VRK1: variants seen among roughly 807,000 people sequenced by gnomAD.
The protein encoded by VRK1 is serine/threonine-protein kinase VRK1.
A neutral mutation model predicts 57.1 loss-of-function variants in VRK1; 33 were observed. The observed-to-expected ratio is 0.58, with a 90% CI of 0.44 to 0.77. The LOEUF is 0.77. VRK1 is among the 30% of genes least tolerant of loss of function. VRK1 has a pLI of 0.00. For synonymous variants in VRK1, 137 were observed against 147.8 expected (o/e 0.93, Z 0.53); for missense variants, 413 against 477.3 (o/e 0.87, Z 1.25).
chr14:96,876,952 C>T (rs1322666591), intron 12 of VRK1, among the ~76,000 whole-genome samples: 1 of 152,108 alleles, frequency 6.6e-6, no homozygotes, highest in African/African-American at 2.4e-5. Flanking sequence ...GTTTAATAAA[C>T]TGCCAGCCAA....
At position 96,798,839 on chromosome 14, in the gene VRK1, G is replaced by A. The variant is rs544609418; in HGVS notation, c.-6+1392G>A. On this transcript the variant is annotated intron_variant, in intron 1 of 12. Coordinates refer to ENST00000216639, the MANE Select transcript of VRK1 (RefSeq NM_003384.3). Reference sequence around the variant, plus strand: ...GTAGTGATTGGAATTAAATTTCTGGGTAGATAAGATTATGTTCATCTGTTA... The same window carrying A: ...GTAGTGATTGGAATTAAATTTCTGGATAGATAAGATTATGTTCATCTGTTA... 2.6e-5 allele frequency among the ~76,000 whole-genome samples: 4 copies of A among 152,158 alleles called. No homozygotes were observed. In the South Asian group the frequency reaches 6.2e-4, roughly 24 times the overall value.
At chr14:96,851,612 C>T (rs989784064) in intron 5 of VRK1, among the ~76,000 whole-genome samples, 3 of 152,200 alleles carry the variant, frequency 2.0e-5, no homozygotes, top group Non-Finnish European at 4.4e-5. Context: ...TGTTAGTCAA[C>T]TCTTCCTTCC....
intron 11 of VRK1, among the ~76,000 whole-genome samples, chr14:96,862,448 G>T (rs1283371284): frequency 1.3e-5 from 2 of 150,568 alleles, no homozygotes; most frequent in Non-Finnish European, 3.0e-5. Context: ...AAAAGTTAAG[G>T]TTAGGTAAGA....
intron 1 of VRK1, among the ~76,000 whole-genome samples, chr14:96,813,954 T>G (rs1278739762): frequency 6.6e-6 from 1 of 152,154 alleles, no homozygotes; most frequent in African/African-American, 2.4e-5. Flanking sequence ...TATACCTTTG[T>G]TTTATGGTTA....
rs540871386 is a variant in VRK1, at chr14:96,878,134, C to T, written c.1159+2014C>T. Among the ~76,000 whole-genome samples, 23 of 151,920 alleles carry T rather than the reference C, an allele frequency of 1.5e-4. No individual in the cohort carries two copies. The South Asian group carries it at 2.5e-3, about 16-fold the overall frequency. ...CACTTTTTTCCCCTAAAGTACAATG[C>T]GAGTTAAGGTATTTTACTATCAAAA... is the stretch of plus-strand genomic sequence containing the variant. On this transcript the variant is annotated intron_variant, in intron 12 of 12. Coordinates refer to ENST00000216639, the MANE Select transcript of VRK1 (RefSeq NM_003384.3).
At chr14:96,836,584 A>G (rs935826391) in intron 2 of VRK1, among the ~76,000 whole-genome samples, 12 of 135,772 alleles carry the variant, frequency 8.8e-5, no homozygotes, top group Non-Finnish European at 1.7e-4. Flanking sequence ...GTGCAGTGGC[A>G]TGATCTTGGC....
chr14:96,847,454 T>C, intron 5 of VRK1, 110 bp downstream of exon 5: 1 of 837,830 alleles, frequency 1.2e-6, no homozygotes, highest in Non-Finnish European at 2.0e-6. Flanking sequence ...TAGGCCTCCC[T>C]CTGGAGTATG....
chr14:96,825,564 G>T (rs1405411056), intron 1 of VRK1, among the ~76,000 whole-genome samples: 2 of 152,158 alleles, frequency 1.3e-5, no homozygotes, highest in East Asian at 3.8e-4. Flanking sequence ...TATAGGGAAA[G>T]TTATTTGTCA....
intron 1 of VRK1, among the ~76,000 whole-genome samples, chr14:96,830,949 C>G (rs879048867): frequency 6.6e-6 from 1 of 152,174 alleles, no homozygotes; most frequent in African/African-American, 2.4e-5. Context: ...GAGGCTTTGA[C>G]CTAGAAGGGG....
chr14:96,881,052 C>G, intron 12 of VRK1, 125 bp from the exon 13 acceptor site: 2 of 860,716 alleles, frequency 2.3e-6, no homozygotes, highest in Non-Finnish European at 3.5e-6. Flanking sequence ...TTTATCTTTG[C>G]AAATCACGAG....
chr14:96,804,923 T>C (rs1885810354), intron 1 of VRK1, among the ~76,000 whole-genome samples: 1 of 152,218 alleles, frequency 6.6e-6, no homozygotes, highest in East Asian at 1.9e-4. Context: ...CCAAACTGTT[T>C]CGTATTTATG....
At chr14:96,866,082 G>A (rs1595684856) in intron 11 of VRK1, among the ~76,000 whole-genome samples, 2 of 152,028 alleles carry the variant, frequency 1.3e-5, no homozygotes, top group South Asian at 4.1e-4. Context: ...TTCTTTTTCA[G>A]TTTCTTTTCT....
At chr14:96,843,413 A>C (rs1375795132) in intron 3 of VRK1, among the ~76,000 whole-genome samples, 1 of 152,178 alleles carries the variant, frequency 6.6e-6, no homozygotes, top group African/African-American at 2.4e-5. Flanking sequence ...CTTGGAAAGA[A>C]GTTTGCAGAC....
At chr14:96,877,796 A>G in intron 12 of VRK1, 1 of 526,156 alleles carries the variant, frequency 1.9e-6, no homozygotes, top group Non-Finnish European at 2.4e-6. Flanking sequence ...AACTTTGCTT[A>G]ATGAGCATCA....
At chr14:96,822,674 G>A (rs973584174) in intron 1 of VRK1, among the ~76,000 whole-genome samples, 5 of 152,210 alleles carry the variant, frequency 3.3e-5, no homozygotes, top group African/African-American at 1.2e-4. Flanking sequence ...TCTTTGGTGA[G>A]AATTAAGTCA....
chr14:96,811,701 C>T (rs1886212054), intron 1 of VRK1, among the ~76,000 whole-genome samples: 1 of 151,962 alleles, frequency 6.6e-6, no homozygotes, highest in Admixed American at 6.6e-5. Context: ...GTTTAGTTTC[C>T]ACAGAACGCT....
intron 10 of VRK1, among the ~76,000 whole-genome samples, chr14:96,858,158 C>T (rs1300040784): frequency 1.3e-5 from 2 of 152,100 alleles, no homozygotes; most frequent in African/African-American, 4.8e-5. Context: ...CAGCCTTGAC[C>T]TCCTGAGCTC....
At chr14:96,868,162 G>GT (rs978163972) in intron 11 of VRK1, among the ~76,000 whole-genome samples, 11 of 152,184 alleles carry the variant, frequency 7.2e-5, no homozygotes, top group African/African-American at 2.2e-4. Context: ...CAGATAGCTT[G>GT]TTTTTTAGGT....
chr14:96,838,116 T>C lies in VRK1; in HGVS notation c.216+299T>C, dbSNP rs2180896. ...ATTTAAGAAATTTCAGCTACTTTTA[T>C]GGATACTTTTTATATTTATATCCTA... On this transcript the variant is annotated intron_variant, in intron 3 of 12. Coordinates refer to ENST00000216639, the MANE Select transcript of VRK1 (RefSeq NM_003384.3). 0.63 allele frequency among the ~76,000 whole-genome samples: 94,984 copies of C among 151,854 alleles called. 30,582 individuals are homozygous for C. Among genetic ancestry groups the C allele is most frequent in the African/African-American group, 0.69 (28,609 of 41,444 alleles).
Sources: gnomAD v4.1 joint callset for allele counts (sites outside exome capture counted in the v4.1 genomes callset) on GRCh38, gnomAD v4.1.1 for gene constraint, MANE v1.5 for transcripts, NCBI Gene and HGNC (gene_info 2026-07-23, HGNC 2026-07-21) for gene names.